DOCK1: variants seen among roughly 807,000 people sequenced by gnomAD.
DOCK1 encodes the protein dedicator of cytokinesis 1.
DOCK1 carries 138 observed loss-of-function variants against 262.7 expected under a neutral mutation model. That is an observed-to-expected ratio of 0.53 (90% confidence interval 0.46 to 0.61). DOCK1 has a LOEUF of 0.61. Among genes scored for constraint, DOCK1 ranks in the 20% least tolerant of loss-of-function variants. DOCK1 has a pLI of 0.00. For missense variants in DOCK1, 1,908 were observed against 2,370.7 expected, an observed-to-expected ratio of 0.80 and a Z score of 4.05; for synonymous variants, 866 against 867.4, an observed-to-expected ratio of 1.00 and a Z score of 0.03.
chr10:127,235,568 T>TAAATACTTG (rs1344732205), intron 27 of DOCK1, among the ~76,000 whole-genome samples: 1 of 152,194 alleles, frequency 6.6e-6, no homozygotes, highest in African/African-American at 2.4e-5. Context: ...TGTGTGGCAA[T>TAAATACTTG]TATGAAGAAA....
At chr10:127,261,219 G>C (rs1214682373) in intron 29 of DOCK1, among the ~76,000 whole-genome samples, 2 of 59,754 alleles carry the variant, frequency 3.3e-5, no homozygotes, top group Non-Finnish European at 7.4e-5. Flanking sequence ...GCATGTGTGT[G>C]CATGTGGGTG....
chr10:127,075,667 G>A lies in DOCK1; in HGVS notation c.2445+13891G>A, dbSNP rs75690653. On this transcript the variant is annotated intron_variant, in intron 23 of 51. Transcript: ENST00000623213. ...TTCACATGGCGGCAGGAGAGAGAGC[G>A]GAGGGGGAAGTGACACACACTTTAA... is the stretch of plus-strand genomic sequence containing the variant. 0.015 allele frequency among the ~76,000 whole-genome samples: 2,228 copies of A among 152,180 alleles called. 96 individuals carry two copies. In the East Asian group the frequency reaches 0.19, roughly 13 times the overall value.
chr10:126,938,666 A>G (rs1347482860), intron 1 of DOCK1, among the ~76,000 whole-genome samples: 1 of 152,170 alleles, frequency 6.6e-6, no homozygotes, highest in Non-Finnish European at 1.5e-5. Context: ...TCCAAGATCA[A>G]GGCACTAGCA....
rs1192719948 is a variant in DOCK1 at position 126,977,954 on chromosome 10, A to G, written c.137A>G (p.Tyr46Cys). Residue 46 changes from tyrosine to cysteine, a missense_variant, in exon 3 of 52, where the codon TAC becomes TGC. Transcript: ENST00000623213. ...VHILETYEGW[Y>C]RGYTLRKKSK... is the part of the protein sequence containing the mutation. Reference sequence around the variant, plus strand: ...CAACTTTGTGTTTGTTTAGGGTGGTACCGAGGTTACACGTTACGAAAAAAG... The same window carrying G: ...CAACTTTGTGTTTGTTTAGGGTGGTGCCGAGGTTACACGTTACGAAAAAAG... The G allele has an allele frequency of 3.1e-6, 5 of 1,613,984 alleles. No individual in the cohort carries two copies. The Admixed American group carries it at 8.3e-5, about 27-fold the overall frequency.
At chr10:127,053,302 A>G (rs1337598489) in intron 22 of DOCK1, among the ~76,000 whole-genome samples, 2 of 152,228 alleles carry the variant, frequency 1.3e-5, no homozygotes, top group African/African-American at 4.8e-5. Flanking sequence ...AGATCGCGCC[A>G]CTGCACTCCA....
At chr10:127,323,267 C>T (rs1374744023) in intron 29 of DOCK1, among the ~76,000 whole-genome samples, 1 of 152,120 alleles carries the variant, frequency 6.6e-6, no homozygotes, top group African/African-American at 2.4e-5. Flanking sequence ...CCGTGGCCGC[C>T]CTGCCTGGTG....
intron 29 of DOCK1, among the ~76,000 whole-genome samples, chr10:127,266,319 G>T (rs747907786): frequency 2.0e-5 from 3 of 152,104 alleles, no homozygotes; most frequent in Non-Finnish European, 4.4e-5. Context: ...AGTTGATGTT[G>T]TGACTTCTCA....
intron 2 of DOCK1, 82 bp downstream of exon 2, chr10:126,970,867 C>G: frequency 6.7e-7 from 1 of 1,485,176 alleles, no homozygotes; most frequent in Non-Finnish European, 9.2e-7. Flanking sequence ...CAAAGCATTC[C>G]TCTGTTACAG....
rs564414094 is a variant in DOCK1, at chr10:127,329,978, C to T, written c.3045-9028C>T. On this transcript the variant is annotated intron_variant, in intron 29 of 51. Coordinates refer to ENST00000623213, the MANE Select transcript of DOCK1 (RefSeq NM_001290223.2). Reference sequence around the variant, plus strand: ...TTTATCCCAACACTTGCTAACTCCACGTTAGGGCTCTTAGTGGCTAATTGT... The same window carrying T: ...TTTATCCCAACACTTGCTAACTCCATGTTAGGGCTCTTAGTGGCTAATTGT... Among the ~76,000 whole-genome samples the T allele has an allele frequency of 1.6e-3, 243 of 152,270 alleles. 2 individuals carry two copies. Among genetic ancestry groups the T allele is most frequent in the African/African-American group, 5.6e-3 (234 of 41,546 alleles).
intron 31 of DOCK1, 113 bp from the exon 32 acceptor site, chr10:127,354,556 C>G (rs1043913445): frequency 6.7e-6 from 8 of 1,200,806 alleles, no homozygotes; most frequent in East Asian, 2.4e-5. Flanking sequence ...CTTTGACACT[C>G]TCTTTATTTG....
intron 29 of DOCK1, among the ~76,000 whole-genome samples, chr10:127,318,118 G>C: frequency 6.6e-6 from 1 of 152,164 alleles, no homozygotes; most frequent in East Asian, 1.9e-4. Context: ...TAAGTTCAGT[G>C]ATATTCAAAG....
intron 21 of DOCK1, among the ~76,000 whole-genome samples, chr10:127,044,958 A>C (rs143760793): frequency 3.5e-4 from 53 of 152,234 alleles, no homozygotes; most frequent in East Asian, 3.3e-3. Context: ...GCACTTTGGA[A>C]GGCCGAGGTG....
intron 31 of DOCK1, among the ~76,000 whole-genome samples, chr10:127,352,006 C>G (rs1214715596): frequency 6.6e-6 from 1 of 150,768 alleles, no homozygotes; most frequent in Non-Finnish European, 1.5e-5. Flanking sequence ...GAGGGGTGGG[C>G]TCTTGTATCC....
chr10:127,265,275 T>G (rs11017023), intron 29 of DOCK1, among the ~76,000 whole-genome samples: 54,235 of 152,044 alleles, frequency 0.36, 9,733 homozygotes, highest in Admixed American at 0.41. Context: ...TTGTTCTATC[T>G]GCAATCAATT....
In DOCK1 at chr10:127,259,133, G is replaced by T. The variant is rs545227664; in HGVS notation, c.3044+1704G>T. Among the ~76,000 whole-genome samples, 10 of 152,310 alleles carry T rather than the reference G, an allele frequency of 6.6e-5. No homozygotes were observed. The East Asian group carries it at 1.9e-3, about 29-fold the overall frequency. On this transcript the variant is annotated intron_variant, in intron 29 of 51. Transcript: ENST00000623213. ...AAGATGGCATCTGAGAGTAGATGGT[G>T]AGGAAGCCCCGGAGACCCTGGCATT...
At position 127,447,362 on chromosome 10, in the gene DOCK1, G is replaced by A. The variant is rs571120434; in HGVS notation, c.5414-32G>A. Reference sequence around the variant, plus strand: ...AGCATTCAGGCTCCGTGGGGAAGTCGGGCTGATTTTAAATAGATCCCGGTT... The same window carrying A: ...AGCATTCAGGCTCCGTGGGGAAGTCAGGCTGATTTTAAATAGATCCCGGTT... On this transcript the variant is annotated intron_variant, in intron 50 of 51. Coordinates refer to ENST00000623213, the MANE Select transcript of DOCK1 (RefSeq NM_001290223.2). The A allele has an allele frequency of 3.2e-4, 511 of 1,600,182 alleles. 5 individuals are homozygous for A. In the South Asian group the frequency reaches 5.0e-3, roughly 16 times the overall value.
intron 30 of DOCK1, among the ~76,000 whole-genome samples, chr10:127,342,092 T>C (rs1419860155): frequency 8.7e-6 from 1 of 115,596 alleles, no homozygotes; most frequent in Non-Finnish European, 1.9e-5. Context: ...GTTGCTGTTG[T>C]TGTTGCTGCT....
chr10:126,986,703 C>T (rs146582595), intron 4 of DOCK1, among the ~76,000 whole-genome samples: 1,808 of 152,156 alleles, frequency 0.012, 49 homozygotes, highest in African/African-American at 0.041. Flanking sequence ...TGAAGTCAGG[C>T]GTTCAAGACC....
intron 18 of DOCK1, among the ~76,000 whole-genome samples, chr10:127,035,452 C>G (rs1263633360): frequency 6.6e-6 from 1 of 152,136 alleles, no homozygotes; most frequent in African/African-American, 2.4e-5. Context: ...CCTTGGGCAG[C>G]CTCATGGGGG....
Sources: allele counts gnomAD v4.1 joint callset (sites outside exome capture counted in the v4.1 genomes callset), GRCh38; gene constraint gnomAD v4.1.1; transcripts MANE v1.5; gene names NCBI Gene and HGNC (gene_info 2026-07-23, HGNC 2026-07-21).